PTPRJ: variants seen among roughly 807,000 people sequenced by gnomAD.
PTPRJ encodes receptor-type tyrosine-protein phosphatase eta.
In PTPRJ, 129 loss-of-function variants were observed where a neutral mutation model predicts 141.3. The observed-to-expected ratio is 0.91, with a 90% CI of 0.79 to 1.06. The LOEUF (loss-of-function observed/expected upper bound fraction) is 1.06. Among genes scored for constraint, PTPRJ ranks in the 50% least tolerant of loss-of-function variants. The pLI, the probability that PTPRJ is intolerant of heterozygous loss-of-function variation, is 0.00. For missense variants in PTPRJ, 1,601 were observed against 1,679.7 expected (o/e 0.95, Z 0.82); for synonymous variants, 610 against 640.5 (o/e 0.95, Z 0.72).
At chr11:48,062,623 C>T (rs1854969900) in intron 1 of PTPRJ, among the ~76,000 whole-genome samples, 1 of 152,190 alleles carries the variant, frequency 6.6e-6, no homozygotes, top group Non-Finnish European at 1.5e-5. Context: ...TGTTTGTCTC[C>T]TTGTCAATGT....
At chr11:48,040,888 C>T (rs1854258202) in intron 1 of PTPRJ, among the ~76,000 whole-genome samples, 1 of 152,170 alleles carries the variant, frequency 6.6e-6, no homozygotes, top group Non-Finnish European at 1.5e-5. Context: ...AGGCGTGAGC[C>T]ACCATGCCCC....
At chr11:48,109,677 C>G (rs1045395494) in intron 1 of PTPRJ, among the ~76,000 whole-genome samples, 2 of 147,468 alleles carry the variant, frequency 1.4e-5, no homozygotes, top group South Asian at 4.8e-4. Flanking sequence ...TTTTTTTGGC[C>G]CTGACAATCT....
chr11:48,002,888 T>A (rs1181279325), intron 1 of PTPRJ, among the ~76,000 whole-genome samples: 1 of 152,174 alleles, frequency 6.6e-6, no homozygotes, highest in Non-Finnish European at 1.5e-5. Context: ...TAAAAAAATT[T>A]ATTTTTTCCT....
At chr11:48,139,138 A>G (rs1299777560) in intron 10 of PTPRJ, among the ~76,000 whole-genome samples, 1 of 152,198 alleles carries the variant, frequency 6.6e-6, no homozygotes, top group Non-Finnish European at 1.5e-5. Context: ...GTCTCAAAAA[A>G]AAAAGGGGGT....
intron 1 of PTPRJ, among the ~76,000 whole-genome samples, chr11:48,037,036 T>TATGTGCAA (rs1173128877): frequency 6.6e-6 from 1 of 152,236 alleles, no homozygotes; most frequent in East Asian, 1.9e-4. Context: ...GCAGATATCA[T>TATGTGCAA]ATGTTAAACA....
chr11:48,061,766 C>G (rs1590454574), intron 1 of PTPRJ, among the ~76,000 whole-genome samples: 1 of 151,954 alleles, frequency 6.6e-6, no homozygotes, highest in Non-Finnish European at 1.5e-5. Flanking sequence ...GGAAAAATAC[C>G]CCCCCTACTT....
chr11:48,091,393 G>A (rs1855863050), intron 1 of PTPRJ, among the ~76,000 whole-genome samples: 1 of 152,234 alleles, frequency 6.6e-6, no homozygotes, highest in South Asian at 2.1e-4. Flanking sequence ...GCATTTTCTT[G>A]TTATTTCCCT....
At position 48,127,959 on chromosome 11, in the gene PTPRJ, C is replaced by T. The variant is rs373741778; in HGVS notation, c.1273C>T (p.Arg425Cys). ...GCCTCGCGCTGTCATCCCCGGACTCCGCTCCAGCACCTTCTACAACATCAC... is the reference window on the plus strand; with the variant it reads ...GCCTCGCGCTGTCATCCCCGGACTCTGCTCCAGCACCTTCTACAACATCAC... ...SEPRAVIPGL[R>C]SSTFYNITVC... Residue 425 changes from arginine (R) to cysteine (C), a missense_variant, in exon 7 of 25, where the codon CGC (arginine) becomes TGC (cysteine). Coordinates refer to ENST00000418331, the MANE Select transcript of PTPRJ (RefSeq NM_002843.4). 98 of 1,614,128 alleles carry T rather than the reference C, an allele frequency of 6.1e-5. 1 individual carries two copies. Among genetic ancestry groups the T allele is most frequent in the South Asian group, 4.2e-4 (38 of 91,082 alleles).
At chr11:48,049,114 A>C (rs1854484661) in intron 1 of PTPRJ, among the ~76,000 whole-genome samples, 1 of 152,218 alleles carries the variant, frequency 6.6e-6, no homozygotes, top group East Asian at 1.9e-4. Context: ...CCTCGGCACT[A>C]CTGACGTTTG....
chr11:48,071,818 G>A (rs1855264816), intron 1 of PTPRJ, among the ~76,000 whole-genome samples: 2 of 150,902 alleles, frequency 1.3e-5, no homozygotes, highest in Non-Finnish European at 1.5e-5. Context: ...TGTCCAGGAT[G>A]GTCTCGATCT....
chr11:48,123,507 CT>C, intron 4 of PTPRJ, 105 bp from the exon 5 acceptor site: 2 of 1,215,268 alleles, frequency 1.6e-6, no homozygotes, highest in Non-Finnish European at 1.1e-6. Context: ...GTCATTCTTT[CT>C]TTTTTTCTTT....
At chr11:48,098,985 C>G (rs967633599) in intron 1 of PTPRJ, among the ~76,000 whole-genome samples, 1 of 152,242 alleles carries the variant, frequency 6.6e-6, no homozygotes, top group Admixed American at 6.5e-5. Context: ...TCTCGAACAT[C>G]TGCCTCCTGC....
intron 1 of PTPRJ, among the ~76,000 whole-genome samples, chr11:47,985,671 C>CATTTATAT (rs1854030607): frequency 7.4e-6 from 1 of 135,980 alleles, no homozygotes; most frequent in African/African-American, 2.7e-5. Context: ...AGGTGGCAGA[C>CATTTATAT]ATTTATTTAT....
chr11:48,105,649 G>A (rs1006265734), intron 1 of PTPRJ, among the ~76,000 whole-genome samples: 1 of 152,180 alleles, frequency 6.6e-6, no homozygotes, highest in Non-Finnish European at 1.5e-5. Context: ...GACAGTGGAA[G>A]TTGAACTAAC....
intron 1 of PTPRJ, among the ~76,000 whole-genome samples, chr11:48,041,062 T>C (rs1854262937): frequency 6.6e-6 from 1 of 152,138 alleles, no homozygotes; most frequent in African/African-American, 2.4e-5. Flanking sequence ...TGGCCACTTT[T>C]GGAAATTCAT....
chr11:48,082,534 C>A (rs1267844723), intron 1 of PTPRJ, among the ~76,000 whole-genome samples: 1 of 151,268 alleles, frequency 6.6e-6, no homozygotes, highest in Admixed American at 6.6e-5. Context: ...TCCTGCCTCA[C>A]CCTTTGAGCC....
At chr11:47,981,170 C>A (rs1337073345) in intron 1 of PTPRJ, among the ~76,000 whole-genome samples, 162 bp downstream of exon 1, 1 of 152,040 alleles carries the variant, frequency 6.6e-6, no homozygotes, top group South Asian at 2.1e-4. Flanking sequence ...CGGCCGGCCT[C>A]GCACGCCGGC....
chr11:48,102,292 T>G (rs944703602), intron 1 of PTPRJ, among the ~76,000 whole-genome samples: 5 of 152,228 alleles, frequency 3.3e-5, no homozygotes, highest in African/African-American at 7.2e-5. Context: ...CTCCAAGCAC[T>G]TCCCCCCGGG....
chr11:48,051,395 G>A (rs952202730), intron 1 of PTPRJ, among the ~76,000 whole-genome samples: 3 of 152,078 alleles, frequency 2.0e-5, no homozygotes, highest in Non-Finnish European at 2.9e-5. Flanking sequence ...GCACCTGGCC[G>A]TGTTTTCTGT....
Sources: gnomAD v4.1 joint callset for allele counts (sites outside exome capture counted in the v4.1 genomes callset) on GRCh38, gnomAD v4.1.1 for gene constraint, MANE v1.5 for transcripts, NCBI Gene and HGNC (gene_info 2026-07-23, HGNC 2026-07-21) for gene names.